WWOX: variants seen among roughly 807,000 people sequenced by gnomAD.
The protein encoded by WWOX is WW domain-containing oxidoreductase.
WWOX carries 69 observed loss-of-function variants against 46.2 expected under a neutral mutation model. The observed-to-expected ratio is 1.49, with a 90% confidence interval of 1.23 to 1.82. The LOEUF (loss-of-function observed/expected upper bound fraction) is 1.82. Among genes scored for constraint, WWOX ranks in the 40% most tolerant of loss-of-function variants. The probability of loss-of-function intolerance (pLI) is 0.00; values close to 1 mark genes in which losing one functional copy is unlikely to be tolerated. For missense variants in WWOX, 919 were observed against 542.6 expected (o/e 1.69, Z -6.89); for synonymous variants, 359 against 202.6 (o/e 1.77, Z -6.56).
intron 8 of WWOX, among the ~76,000 whole-genome samples, chr16:79,029,505 C>T (rs540228677): frequency 5.5e-4 from 84 of 152,242 alleles, no homozygotes; most frequent in Non-Finnish European, 1.0e-3. Context: ...GATCTTGGGG[C>T]AGTGAGGACT....
chr16:79,097,391 A>G (rs2150620475), intron 8 of WWOX, among the ~76,000 whole-genome samples: 2 of 149,290 alleles, frequency 1.3e-5, no homozygotes, highest in Middle Eastern at 6.9e-3. Flanking sequence ...AGCCCATGGC[A>G]GAAGAGTCTA....
At chr16:79,167,427 G>A (rs1182649363) in intron 8 of WWOX, among the ~76,000 whole-genome samples, 2 of 152,068 alleles carry the variant, frequency 1.3e-5, no homozygotes, top group Admixed American at 1.3e-4. Flanking sequence ...GGGCTCAGAT[G>A]GCTCTGACCT....
At chr16:78,190,982 C>T (rs2035865771) in intron 5 of WWOX, among the ~76,000 whole-genome samples, 2 of 152,158 alleles carry the variant, frequency 1.3e-5, no homozygotes, top group African/African-American at 4.8e-5. Context: ...GAGTCTTGCA[C>T]CTCTGGTCCA....
At chr16:78,767,070 CTCCCTCCCTCCT>C (rs898573038) in intron 8 of WWOX, among the ~76,000 whole-genome samples, 1 of 148,572 alleles carries the variant, frequency 6.7e-6, no homozygotes, top group Non-Finnish European at 1.5e-5. Flanking sequence ...CCCTCCCTCC[CTCCCTCCCTCCT>C]TCTCTCTCTC....
chr16:79,032,680 A>G (rs1482670870), intron 8 of WWOX, among the ~76,000 whole-genome samples: 1 of 149,028 alleles, frequency 6.7e-6, no homozygotes, highest in African/African-American at 2.5e-5. Flanking sequence ...ATATATATAT[A>G]TACACACACA....
chr16:78,847,896 G>A (rs573266592), intron 8 of WWOX, among the ~76,000 whole-genome samples: 1 of 152,298 alleles, frequency 6.6e-6, no homozygotes, highest in African/African-American at 2.4e-5. Context: ...GTCAGATACT[G>A]GGACTTTCTG....
intron 8 of WWOX, among the ~76,000 whole-genome samples, chr16:78,479,908 G>C: frequency 6.6e-6 from 1 of 152,202 alleles, no homozygotes; most frequent in South Asian, 2.1e-4. Flanking sequence ...TCCTGGGAAG[G>C]AGGAACCAAT....
At chr16:78,948,323 C>G (rs566812470) in intron 8 of WWOX, among the ~76,000 whole-genome samples, 16 of 152,158 alleles carry the variant, frequency 1.1e-4, no homozygotes, top group Non-Finnish European at 2.2e-4. Flanking sequence ...AACTTCTTGT[C>G]TCCCTTTTAG....
intron 8 of WWOX, among the ~76,000 whole-genome samples, chr16:78,709,502 C>T (rs2048393774): frequency 6.6e-6 from 1 of 152,094 alleles, no homozygotes; most frequent in African/African-American, 2.4e-5. Context: ...TGACACAGGC[C>T]CTCTCAATCT....
At chr16:78,753,827 TA>T (rs1288929876) in intron 8 of WWOX, among the ~76,000 whole-genome samples, 2 of 56,976 alleles carry the variant, frequency 3.5e-5, no homozygotes, top group Non-Finnish European at 6.3e-5. Context: ...AAAAAAAAAA[TA>T]TATATATATA....
At chr16:78,764,500 G>C (rs1019697983) in intron 8 of WWOX, among the ~76,000 whole-genome samples, 4 of 147,062 alleles carry the variant, frequency 2.7e-5, no homozygotes, top group African/African-American at 1.0e-4. Context: ...CCAGTTACCT[G>C]TTTGTCTAGA....
chr16:78,449,886 G>C (rs964519726), intron 8 of WWOX, among the ~76,000 whole-genome samples: 1 of 149,936 alleles, frequency 6.7e-6, no homozygotes, highest in Non-Finnish European at 1.5e-5. Flanking sequence ...AAACTAGCCA[G>C]AAAGCGTGAA....
At chr16:78,957,542 C>T (rs2046192226) in intron 8 of WWOX, among the ~76,000 whole-genome samples, 1 of 152,154 alleles carries the variant, frequency 6.6e-6, no homozygotes, top group South Asian at 2.1e-4. Context: ...CTGCTGCACA[C>T]CTTTAATCTC....
chr16:79,050,450 T>C (rs1319915104), intron 8 of WWOX, among the ~76,000 whole-genome samples: 1 of 152,166 alleles, frequency 6.6e-6, no homozygotes, highest in Non-Finnish European at 1.5e-5. Context: ...ATAAGGACTT[T>C]CAAGTCTAGA....
chr16:79,074,989 C>A (rs938481540), intron 8 of WWOX, among the ~76,000 whole-genome samples: 1 of 152,196 alleles, frequency 6.6e-6, no homozygotes, highest in East Asian at 1.9e-4. Context: ...AACTTCTACA[C>A]ATTCGACTAT....
chr16:78,109,795 G>A lies in WWOX; in HGVS notation c.190G>A (p.Glu64Lys), dbSNP rs1487518705. 5 of 1,614,012 alleles carry A rather than the reference G, an allele frequency of 3.1e-6. No homozygotes were observed. The South Asian group carries it at 3.3e-5, about 11-fold the overall frequency. Residue 64 changes from glutamate (E) to lysine (K), a missense_variant, in exon 3 of 9, where the codon GAA (glutamate) becomes AAA (lysine). Physicochemically the swap from Glu to Lys is moderately conservative, Grantham distance 56. Transcript: ENST00000566780. ...RVAGDLPYGWEQETDENGQVF... is the reference protein window; with the variant it reads ...RVAGDLPYGWKQETDENGQVF... ...TGTTTCAGATTTGCCATACGGATGG[G>A]AACAAGAAACTGATGAGAACGGACA... is the stretch of plus-strand genomic sequence containing the variant.
intron 5 of WWOX, among the ~76,000 whole-genome samples, chr16:78,355,320 G>T (rs112868798): frequency 6.6e-6 from 1 of 152,082 alleles, no homozygotes; most frequent in Non-Finnish European, 1.5e-5. Flanking sequence ...TGCGTGTATG[G>T]TGCTGGGCGC....
chr16:78,181,517 T>G (rs911206575), intron 5 of WWOX, among the ~76,000 whole-genome samples: 1 of 152,202 alleles, frequency 6.6e-6, no homozygotes, highest in African/African-American at 2.4e-5. Context: ...CTTTAAGCCT[T>G]AATGAAACTA....
chr16:78,854,353 T>G (rs1033648919), intron 8 of WWOX, among the ~76,000 whole-genome samples: 5 of 152,234 alleles, frequency 3.3e-5, no homozygotes, highest in Non-Finnish European at 5.9e-5. Context: ...AAATGAAACC[T>G]TTAAGTCTTT....
Sources: allele counts gnomAD v4.1 joint callset (sites outside exome capture counted in the v4.1 genomes callset), GRCh38; gene constraint gnomAD v4.1.1; transcripts MANE v1.5; gene names NCBI Gene and HGNC (gene_info 2026-07-23, HGNC 2026-07-21).